The following KCNH1 variants were observed in gnomAD, a reference collection of about 807,000 sequenced individuals.
The protein encoded by KCNH1 is voltage-gated delayed rectifier potassium channel KCNH1.
In KCNH1, 27 loss-of-function variants were observed where a neutral mutation model predicts 69.2. The ratio of observed to expected loss-of-function variants is 0.39; its 90% CI spans 0.29 to 0.54. The LOEUF (loss-of-function observed/expected upper bound fraction) is 0.54. KCNH1 is among the 20% of genes least tolerant of loss of function. The pLI, the probability that KCNH1 is intolerant of heterozygous loss-of-function variation, is 0.68. For synonymous variants in KCNH1, 456 were observed against 487.7 expected (o/e 0.93, Z 0.86); for missense variants, 798 against 1,261.6 (o/e 0.63, Z 5.57).
intron 6 of KCNH1, among the ~76,000 whole-genome samples, chr1:210,955,881 G>A (rs904845482): frequency 6.6e-6 from 1 of 152,058 alleles, no homozygotes; most frequent in African/African-American, 2.4e-5. Context: ...TTTCCTAATT[G>A]AATACCCTTT....
chr1:210,895,843 G>A lies in KCNH1; in HGVS notation c.1462+23797C>T, dbSNP rs148906009. ...TCTCTGCTTTTGCTTTTCCAACAAC[G>A]CCATATCACATTCAGGCACATGCAT... is the stretch of plus-strand genomic sequence containing the variant. On this transcript the variant is annotated intron_variant, in intron 7 of 10. Transcript: ENST00000271751. Among the ~76,000 whole-genome samples, 21 of 152,006 alleles carry A rather than the reference G, an allele frequency of 1.4e-4. No individual in the cohort carries two copies. In the East Asian group the frequency reaches 3.5e-3, roughly 25 times the overall value.
At chr1:211,102,397 C>T (rs564800904) in intron 3 of KCNH1, among the ~76,000 whole-genome samples, 307 of 152,242 alleles carry the variant, frequency 2.0e-3, no homozygotes, top group Admixed American at 3.1e-3. Context: ...GGCATACAGC[C>T]CTTCACAGTC....
chr1:211,025,775 A>G (rs1409671988), intron 5 of KCNH1, among the ~76,000 whole-genome samples: 1 of 152,120 alleles, frequency 6.6e-6, no homozygotes, highest in Non-Finnish European at 1.5e-5. Context: ...GACCTCTGGC[A>G]TGTGTCTAGA....
At chr1:211,109,847 A>G (rs190146415) in intron 1 of KCNH1, among the ~76,000 whole-genome samples, 1 of 152,226 alleles carries the variant, frequency 6.6e-6, no homozygotes, top group Admixed American at 6.5e-5. Context: ...GTATCCTTAG[A>G]GAGATTCAAG....
rs567134477 is a variant in KCNH1, at chr1:210,746,831, G to A, written c.2112+28517C>T. Among the ~76,000 whole-genome samples the A allele has an allele frequency of 5.3e-5, 8 of 152,322 alleles. No individual in the cohort carries two copies. The Middle Eastern group carries it at 0.01, about 194-fold the overall frequency. The stretch of plus-strand genomic sequence containing the variant: ...CAAAGTCCTGGGATTACAGGCGAGA[G>A]CCACCATGCCCGGCTATTACAACCT... On this transcript the variant is annotated intron_variant, in intron 10 of 10. Coordinates refer to ENST00000271751, the MANE Select transcript of KCNH1 (RefSeq NM_172362.3).
At chr1:211,009,041 G>A (rs1689343317) in intron 6 of KCNH1, among the ~76,000 whole-genome samples, 1 of 152,150 alleles carries the variant, frequency 6.6e-6, no homozygotes, top group Admixed American at 6.5e-5. Context: ...AGAGGGAACA[G>A]CAAGTACCCC....
At chr1:211,101,346 T>G (rs1300707746) in intron 3 of KCNH1, among the ~76,000 whole-genome samples, 1 of 152,146 alleles carries the variant, frequency 6.6e-6, no homozygotes, top group Non-Finnish European at 1.5e-5. Context: ...CCAGTGCAAC[T>G]GTATAATTTC....
chr1:211,059,595 T>G (rs7546893), intron 5 of KCNH1, among the ~76,000 whole-genome samples: 1,821 of 151,758 alleles, frequency 0.012, 40 homozygotes, highest in African/African-American at 0.042. Flanking sequence ...TATAAAAAAT[T>G]AGCCGGACGT....
intron 1 of KCNH1, among the ~76,000 whole-genome samples, chr1:211,114,995 G>T (rs61848604): frequency 0.18 from 26,573 of 151,736 alleles, 2,572 homozygotes; most frequent in African/African-American, 0.26. Context: ...TTGAGACAGG[G>T]TCTTGCTCTG....
At chr1:210,685,700 T>G (rs867940522) in intron 10 of KCNH1, among the ~76,000 whole-genome samples, 40 of 145,816 alleles carry the variant, frequency 2.7e-4, no homozygotes, top group Non-Finnish European at 5.9e-4. Context: ...GCTCCTGTTG[T>G]CCTTGACCTT....
chr1:210,962,371 C>G (rs974584111), intron 6 of KCNH1, among the ~76,000 whole-genome samples: 1 of 152,108 alleles, frequency 6.6e-6, no homozygotes, highest in African/African-American at 2.4e-5. Flanking sequence ...GTCCCTATTA[C>G]TTCATCTTGG....
chr1:211,008,492 A>G (rs1210942988), intron 6 of KCNH1, among the ~76,000 whole-genome samples: 1 of 152,054 alleles, frequency 6.6e-6, no homozygotes, highest in African/African-American at 2.4e-5. Context: ...CGCCAGTAAA[A>G]GTGAGCAAGC....
intron 7 of KCNH1, among the ~76,000 whole-genome samples, chr1:210,868,166 T>G (rs1255016274): frequency 6.6e-6 from 1 of 152,054 alleles, no homozygotes; most frequent in African/African-American, 2.4e-5. Context: ...ATAGTGGGTA[T>G]CTCATGTAGT....
chr1:210,833,381 A>C (rs1483838929), intron 7 of KCNH1, among the ~76,000 whole-genome samples: 1 of 152,168 alleles, frequency 6.6e-6, no homozygotes, highest in African/African-American at 2.4e-5. Context: ...ATAATGCCAC[A>C]TATCTACCAC....
chr1:210,698,268 ACTG>A (rs1247963175), intron 10 of KCNH1, among the ~76,000 whole-genome samples: 4 of 152,126 alleles, frequency 2.6e-5, no homozygotes, highest in Non-Finnish European at 4.4e-5. Context: ...GAGCATAAAC[ACTG>A]CAGACTGGCC....
intron 7 of KCNH1, among the ~76,000 whole-genome samples, chr1:210,873,863 G>GA (rs1686306914): frequency 6.6e-6 from 1 of 152,120 alleles, no homozygotes; most frequent in South Asian, 2.1e-4. Context: ...AGATAGTAGT[G>GA]AAAAAATAGA....
intron 7 of KCNH1, among the ~76,000 whole-genome samples, chr1:210,896,187 G>C (rs993974432): frequency 2.0e-5 from 3 of 152,110 alleles, no homozygotes; most frequent in African/African-American, 7.2e-5. Flanking sequence ...ACAATGATTA[G>C]ATGTCAAGTA....
At chr1:211,103,789 C>A (rs951075806) in intron 2 of KCNH1, among the ~76,000 whole-genome samples, 187 bp from the exon 3 acceptor site, 1 of 152,138 alleles carries the variant, frequency 6.6e-6, no homozygotes, top group East Asian at 1.9e-4. Flanking sequence ...TTCATTGTCT[C>A]CAAAAAACTA....
chr1:210,736,611 T>C (rs1323525689), intron 10 of KCNH1, among the ~76,000 whole-genome samples: 1 of 151,770 alleles, frequency 6.6e-6, no homozygotes, highest in Non-Finnish European at 1.5e-5. Context: ...TGAAAACATC[T>C]AGATTAATGA....
Sources: allele counts gnomAD v4.1 joint callset (sites outside exome capture counted in the v4.1 genomes callset), GRCh38; gene constraint gnomAD v4.1.1; transcripts MANE v1.5; gene names NCBI Gene and HGNC (gene_info 2026-07-23, HGNC 2026-07-21).